The following CPT1A variants were observed in gnomAD, a reference collection of about 807,000 sequenced individuals.
CPT1A encodes the protein carnitine O-palmitoyltransferase 1, liver isoform.
CPT1A carries 64 observed loss-of-function variants against 100.8 expected under a neutral mutation model. That is an observed-to-expected ratio of 0.63 (90% CI 0.52 to 0.78). CPT1A has a LOEUF of 0.78. CPT1A is among the 30% of genes least tolerant of loss of function. CPT1A has a pLI of 0.00. For missense variants in CPT1A, 802 were observed against 1,034.1 expected, an observed-to-expected ratio of 0.78 and a Z score of 3.08; for synonymous variants, 363 against 396.0, an observed-to-expected ratio of 0.92 and a Z score of 0.99.
At chr11:68,801,624 T>G (rs1468753815) in intron 5 of CPT1A, among the ~76,000 whole-genome samples, 2 of 144,586 alleles carry the variant, frequency 1.4e-5, no homozygotes, top group Non-Finnish European at 3.0e-5. Flanking sequence ...AGCAAGACTC[T>G]GTCTGAAAAA....
intron 1 of CPT1A, among the ~76,000 whole-genome samples, chr11:68,826,719 G>C (rs1385093180): frequency 1.4e-5 from 2 of 142,268 alleles, no homozygotes; most frequent in African/African-American, 2.5e-5. Flanking sequence ...GGGTGAGAGA[G>C]TGAGACTCCC....
chr11:68,826,609 G>C (rs1856738840), intron 1 of CPT1A, among the ~76,000 whole-genome samples: 1 of 149,444 alleles, frequency 6.7e-6, no homozygotes, highest in South Asian at 2.1e-4. Flanking sequence ...GTGGTGGCGG[G>C]CGCCTGTAGT....
rs1357312147 is a variant in CPT1A at position 68,822,279 on chromosome 11, C to T, written c.-13-6792G>A. 8.5e-5 allele frequency among the ~76,000 whole-genome samples: 13 copies of T among 152,134 alleles called. No homozygotes were observed. In the Middle Eastern group the frequency reaches 0.01, roughly 119 times the overall value. On this transcript the variant is annotated intron_variant, in intron 1 of 18. Transcript: ENST00000265641. ...AGGTGCAGTGGCTCACCCCTGTAAT[C>T]CCAGCACTTCGCAAGGCCAAGACAG...
At chr11:68,783,890 G>T (rs545517793) in intron 10 of CPT1A, among the ~76,000 whole-genome samples, 14 of 152,292 alleles carry the variant, frequency 9.2e-5, no homozygotes, top group Admixed American at 2.0e-4. Context: ...TATGTTTTGA[G>T]ACACAGTCTC....
chr11:68,830,743 T>A (rs778610819), intron 1 of CPT1A, among the ~76,000 whole-genome samples: 46 of 152,268 alleles, frequency 3.0e-4, no homozygotes, highest in Non-Finnish European at 5.4e-4. Flanking sequence ...TCCATTTCTG[T>A]TTTCTCCTTT....
At chr11:68,768,148 T>C (rs1283440947) in intron 14 of CPT1A, among the ~76,000 whole-genome samples, 1 of 128,968 alleles carries the variant, frequency 7.8e-6, no homozygotes, top group African/African-American at 2.9e-5. Flanking sequence ...CGATCTCGGC[T>C]CACTGGAAGC....
chr11:68,763,031 G>A (rs2153995262), intron 14 of CPT1A, among the ~76,000 whole-genome samples: 1 of 151,950 alleles, frequency 6.6e-6, no homozygotes, highest in East Asian at 1.9e-4. Flanking sequence ...AATTTTTTTT[G>A]TAGAGACAGG....
chr11:68,806,355 G>A (rs1039108637), intron 4 of CPT1A, among the ~76,000 whole-genome samples: 2 of 152,086 alleles, frequency 1.3e-5, no homozygotes, highest in Non-Finnish European at 2.9e-5. Context: ...AATTGAGACC[G>A]GGTGTGATGG....
chr11:68,826,383 T>G (rs1291964394), intron 1 of CPT1A, among the ~76,000 whole-genome samples: 8 of 150,106 alleles, frequency 5.3e-5, no homozygotes, highest in Middle Eastern at 3.2e-3. Flanking sequence ...GAGGCAGAGG[T>G]TGCAGTGAGC....
At chr11:68,790,714 C>T (rs1173676285) in intron 9 of CPT1A, among the ~76,000 whole-genome samples, 1 of 152,200 alleles carries the variant, frequency 6.6e-6, no homozygotes, top group Admixed American at 6.5e-5. Context: ...ATTCCAGCAG[C>T]CCCAGGAAAC....
chr11:68,807,626 G>T lies in CPT1A; in HGVS notation c.294C>A (p.Ser98=), dbSNP rs1856084214. 1 of 1,613,930 alleles carries T rather than the reference G, an allele frequency of 6.2e-7. No individual in the cohort carries two copies. Among genetic ancestry groups the T allele is most frequent in the African/African-American group, 1.3e-5 (1 of 74,938 alleles). The stretch of plus-strand genomic sequence containing the variant: ...CGCTGACCACGTTCTTCGTCTGGCT[G>T]GACATGCAGTTGCTGTGGAGACAGA... The part of the protein sequence containing the change: ...NRTLETANCM[S]SQTKNVVSGV... Residue 98 remains serine, a synonymous_variant, in exon 4 of 19, where the codon TCC becomes TCA. Transcript: ENST00000265641.
At chr11:68,821,400 G>A (rs367545961) in intron 1 of CPT1A, among the ~76,000 whole-genome samples, 1 of 151,882 alleles carries the variant, frequency 6.6e-6, no homozygotes, top group Non-Finnish European at 1.5e-5. Flanking sequence ...TGATCCACCC[G>A]CCTCAGCCTC....
intron 4 of CPT1A, among the ~76,000 whole-genome samples, chr11:68,806,000 G>A (rs1315015730): frequency 6.6e-6 from 1 of 151,142 alleles, no homozygotes; most frequent in East Asian, 1.9e-4. Context: ...TTGATTTTCA[G>A]AAAAACTAAG....
intron 1 of CPT1A, among the ~76,000 whole-genome samples, chr11:68,829,154 G>T (rs1856818152): frequency 6.6e-6 from 1 of 152,158 alleles, no homozygotes; most frequent in African/African-American, 2.4e-5. Flanking sequence ...TGGACTAGGG[G>T]TGTTCACTCC....
At position 68,775,314 on chromosome 11, in the gene CPT1A, A is replaced by C; in HGVS notation, c.1575+2T>G. 6.2e-7 allele frequency: 1 copy of C among 1,609,186 alleles called. No individual in the cohort carries two copies. Among genetic ancestry groups the C allele is most frequent in the Non-Finnish European group, 8.5e-7 (1 of 1,175,550 alleles). ...AACAATGGTTGGATAATCCGGACTTACTTCCCCCGGGATGTCCCACTGCAG... is the reference window on the plus strand; with the variant it reads ...AACAATGGTTGGATAATCCGGACTTCCTTCCCCCGGGATGTCCCACTGCAG... On this transcript the variant is annotated splice_donor_variant, in intron 13 of 18. Coordinates refer to ENST00000265641, the MANE Select transcript of CPT1A (RefSeq NM_001876.4). LOFTEE classifies it high-confidence loss of function.
At chr11:68,797,457 T>A (rs1855783907) in intron 6 of CPT1A, among the ~76,000 whole-genome samples, 1 of 151,886 alleles carries the variant, frequency 6.6e-6, no homozygotes, top group African/African-American at 2.4e-5. Flanking sequence ...GATCGCTTGA[T>A]GCCAGGAGTT....
At chr11:68,796,000 G>A (rs945090836) in intron 7 of CPT1A, among the ~76,000 whole-genome samples, 4 of 151,952 alleles carry the variant, frequency 2.6e-5, no homozygotes, top group Non-Finnish European at 5.9e-5. Context: ...AAAGGAAAGA[G>A]AAGAGTTCTA....
chr11:68,820,790 C>T (rs1856562101), intron 1 of CPT1A, among the ~76,000 whole-genome samples: 1 of 152,144 alleles, frequency 6.6e-6, no homozygotes, highest in African/African-American at 2.4e-5. Context: ...ACCCCTTTGC[C>T]CAGGCTACCC....
chr11:68,803,712 A>AAAAATAAAATAAAATAAAATAAAAT (rs59753299), intron 5 of CPT1A, among the ~76,000 whole-genome samples: 182 of 143,748 alleles, frequency 1.3e-3, no homozygotes, highest in East Asian at 6.1e-3. Context: ...GTCCATCACA[A>AAAAATAAAATAAAATAAAATAAAAT]AAAATAAAAT....
Sources: allele counts gnomAD v4.1 joint callset (sites outside exome capture counted in the v4.1 genomes callset), GRCh38; gene constraint gnomAD v4.1.1; transcripts MANE v1.5; gene names NCBI Gene and HGNC (gene_info 2026-07-23, HGNC 2026-07-21).